The following GRB10 variants were observed in gnomAD, a reference collection of about 807,000 sequenced individuals.
The protein encoded by GRB10 is growth factor receptor-bound protein 10.
In GRB10, 20 loss-of-function variants were observed where a neutral mutation model predicts 80.9. That is an observed-to-expected ratio of 0.25 (90% confidence interval 0.17 to 0.36). The LOEUF is 0.36. Ranked by LOEUF, GRB10 falls within the 10% of genes least tolerant of loss-of-function variation. The pLI, the probability that GRB10 is intolerant of heterozygous loss-of-function variation, is 1.00. For synonymous variants in GRB10, 291 were observed against 291.5 expected (o/e 1.00, Z 0.02); for missense variants, 548 against 747.7 (o/e 0.73, Z 3.12).
intron 8 of GRB10, among the ~76,000 whole-genome samples, chr7:50,622,788 CT>C (rs201269442): frequency 2.8e-3 from 405 of 144,548 alleles, no homozygotes; most frequent in Middle Eastern, 3.7e-3. Context: ...TTCCTTTTAT[CT>C]TTTTTTTTTT....
At chr7:50,692,168 G>C (rs974050643) in intron 5 of GRB10, among the ~76,000 whole-genome samples, 1 of 152,136 alleles carries the variant, frequency 6.6e-6, no homozygotes, top group Non-Finnish European at 1.5e-5. Context: ...ATGATTTAAA[G>C]TATAGGGGAG....
intron 10 of GRB10, among the ~76,000 whole-genome samples, chr7:50,617,591 GTTTC>G (rs1290357999): frequency 1.3e-5 from 2 of 152,198 alleles, no homozygotes; most frequent in Non-Finnish European, 2.9e-5. Context: ...ATTAAAGCAG[GTTTC>G]TTTATTTGTA....
chr7:50,722,025 G>T (rs1359635398), intron 4 of GRB10, among the ~76,000 whole-genome samples: 1 of 152,188 alleles, frequency 6.6e-6, no homozygotes, highest in African/African-American at 2.4e-5. Context: ...CTGGTAGGGA[G>T]GATCAGGCCA....
chr7:50,607,738 G>A (rs1179059798), intron 13 of GRB10, among the ~76,000 whole-genome samples: 2 of 152,194 alleles, frequency 1.3e-5, no homozygotes, highest in Admixed American at 6.5e-5. Context: ...CTCCCTAGCT[G>A]AGGCTTGCCA....
intron 7 of GRB10, among the ~76,000 whole-genome samples, chr7:50,635,912 A>G (rs2054884332): frequency 6.7e-6 from 1 of 150,042 alleles, no homozygotes; most frequent in Non-Finnish European, 1.5e-5. Flanking sequence ...TAAAAAAAAA[A>G]AAAAGCCCAG....
intron 11 of GRB10, 105 bp downstream of exon 11, chr7:50,616,105 G>A: frequency 1.6e-6 from 2 of 1,273,670 alleles, no homozygotes; most frequent in South Asian, 2.5e-5. Flanking sequence ...TGAGCTTGGA[G>A]GAGTCTAAGG....
chr7:50,709,777 C>T (rs2065613468), intron 4 of GRB10, among the ~76,000 whole-genome samples: 1 of 152,042 alleles, frequency 6.6e-6, no homozygotes, highest in African/African-American at 2.4e-5. Flanking sequence ...ACCAGGTGGC[C>T]TGGTGTGGCT....
At chr7:50,606,458 G>C in intron 13 of GRB10, 44 bp from the exon 14 acceptor site, 1 of 1,447,972 alleles carries the variant, frequency 6.9e-7, no homozygotes, top group Admixed American at 1.7e-5. Context: ...CGGGAGCCCC[G>C]AGGCCCGGCA....
intron 3 of GRB10, among the ~76,000 whole-genome samples, chr7:50,740,431 T>G (rs1226346433): frequency 6.6e-6 from 1 of 152,260 alleles, no homozygotes; most frequent in Admixed American, 6.5e-5. Context: ...GGGTAAGTTG[T>G]ACAATTAATG....
At chr7:50,691,952 G>A (rs1364147175) in intron 5 of GRB10, among the ~76,000 whole-genome samples, 1 of 152,132 alleles carries the variant, frequency 6.6e-6, no homozygotes, top group Non-Finnish European at 1.5e-5. Context: ...ATGAGAAAAT[G>A]ATACTAACAA....
intron 2 of GRB10, among the ~76,000 whole-genome samples, chr7:50,767,940 G>A (rs569589502): frequency 6.6e-6 from 1 of 152,300 alleles, no homozygotes; most frequent in East Asian, 1.9e-4. Context: ...AGAAACCCAT[G>A]ATGCTCTCCA....
At chr7:50,732,190 T>A in intron 4 of GRB10, 82 bp downstream of exon 4, 5 of 1,416,158 alleles carry the variant, frequency 3.5e-6, no homozygotes, top group Non-Finnish European at 5.0e-6. Context: ...ACAGAAACGA[T>A]CCATGGCTGC....
chr7:50,785,973 C>T (rs2078677809), upstream of GRB10, among the ~76,000 whole-genome samples: 1 of 152,076 alleles, frequency 6.6e-6, no homozygotes, highest in Non-Finnish European at 1.5e-5. Context: ...ACAGGATTCC[C>T]AGTAGTGGGA....
intron 7 of GRB10, among the ~76,000 whole-genome samples, chr7:50,634,732 G>A (rs1446551296): frequency 2.6e-5 from 4 of 152,190 alleles, no homozygotes; most frequent in Non-Finnish European, 4.4e-5. Context: ...GTGAGCAGGA[G>A]TAGCCATTCT....
In GRB10 at chr7:50,705,201, G is replaced by A. The variant is rs181455410; in HGVS notation, c.52-1293C>T. On this transcript the variant is annotated intron_variant, in intron 4 of 18. Coordinates refer to ENST00000401949, the MANE Select transcript of GRB10 (RefSeq NM_001350814.2). Reference sequence around the variant, plus strand: ...GCTTCACGGACCACTCACAATGGGGGGAAGCAGAGGGTAGCCCAGGGGACA... The same window carrying A: ...GCTTCACGGACCACTCACAATGGGGAGAAGCAGAGGGTAGCCCAGGGGACA... 56 of 985,796 alleles carry A rather than the reference G, an allele frequency of 5.7e-5. No individual in the cohort carries two copies. The East Asian group carries it at 5.8e-3, about 102-fold the overall frequency. The allele number at this position is 985,796 out of a possible 1,614,324, so 61.1% of individuals were successfully genotyped here.
chr7:50,719,514 G>T (rs2067380119), intron 4 of GRB10, among the ~76,000 whole-genome samples: 1 of 150,722 alleles, frequency 6.6e-6, no homozygotes, highest in African/African-American at 2.5e-5. Context: ...TCATACACTG[G>T]GGCCTGTCGG....
chr7:50,674,167 C>T (rs1463758576), intron 6 of GRB10, among the ~76,000 whole-genome samples: 1 of 152,212 alleles, frequency 6.6e-6, no homozygotes, highest in African/African-American at 2.4e-5. Context: ...GGTTTTCCTG[C>T]ATATCCCTCT....
In GRB10 at chr7:50,674,484, G is replaced by A. The variant is rs773532758; in HGVS notation, c.314C>T (p.Pro105Leu). 2.2e-5 allele frequency: 35 copies of A among 1,608,112 alleles called. No individual in the cohort carries two copies. In the South Asian group the frequency reaches 2.5e-4, roughly 12 times the overall value. The stretch of plus-strand genomic sequence containing the variant: ...CTGGGAGCGCTGCACCCTCTGCCTC[G>A]GGGACACCTGTGGCTGGATGGACCG... ...PPRSIQPQVS[P>L]RQRVQRSQPV... Residue 105 changes from proline to leucine, a missense_variant, in exon 6 of 19, where the codon CCG (proline) becomes CTG (leucine). Physicochemically the swap from Pro to Leu is moderately conservative, Grantham distance 98 (BLOSUM62 -3). Around this residue, in one of 4 missense-constraint regions of GRB10, gnomAD observed 245 missense variants for 229.3 expected, o/e 1.07. Coordinates refer to ENST00000401949, the MANE Select transcript of GRB10 (RefSeq NM_001350814.2).
intron 7 of GRB10, among the ~76,000 whole-genome samples, chr7:50,636,489 A>G (rs557829303): frequency 1.3e-5 from 2 of 152,308 alleles, no homozygotes; most frequent in Non-Finnish European, 2.9e-5. Flanking sequence ...TCAACAAAAT[A>G]CTAGCAAAGC....
Sources: allele counts gnomAD v4.1 joint callset (sites outside exome capture counted in the v4.1 genomes callset), GRCh38; gene constraint gnomAD v4.1.1; regional missense constraint gnomAD v4.1.1; transcripts MANE v1.5; gene names NCBI Gene and HGNC (gene_info 2026-07-23, HGNC 2026-07-21).